RBMS1: variants seen among roughly 807,000 people sequenced by gnomAD.
RBMS1 encodes RNA-binding motif, single-stranded-interacting protein 1.
Under a neutral mutation model 62.3 loss-of-function variants are expected in RBMS1, and 17 were observed. The observed-to-expected ratio is 0.27, with a 90% CI of 0.19 to 0.41. RBMS1 has a LOEUF of 0.41. RBMS1 is among the 10% of genes least tolerant of loss of function. The pLI is 1.00. For synonymous variants in RBMS1, 172 were observed against 170.0 expected (o/e 1.01, Z -0.09); for missense variants, 334 against 504.5 (o/e 0.66, Z 3.24).
At chr2:160,446,257 A>G (rs1236961453) in intron 1 of RBMS1, among the ~76,000 whole-genome samples, 7 of 152,200 alleles carry the variant, frequency 4.6e-5, no homozygotes, top group African/African-American at 1.4e-4. Flanking sequence ...CCTGTCTATG[A>G]CAGTCCCTCC....
chr2:160,421,509 G>T (rs1216872953), intron 1 of RBMS1, among the ~76,000 whole-genome samples: 2 of 152,076 alleles, frequency 1.3e-5, no homozygotes, highest in Admixed American at 6.5e-5. Flanking sequence ...AGTATTCCAT[G>T]GTATATATGT....
chr2:160,411,735 A>AT (rs1349639546), intron 1 of RBMS1, among the ~76,000 whole-genome samples: 2 of 152,112 alleles, frequency 1.3e-5, no homozygotes, highest in African/African-American at 4.8e-5. Flanking sequence ...AGTTGTTGTT[A>AT]TTTTTTTCCA....
intron 6 of RBMS1, among the ~76,000 whole-genome samples, chr2:160,287,731 A>C (rs1688476194): frequency 6.6e-6 from 1 of 152,216 alleles, no homozygotes; most frequent in Admixed American, 6.5e-5. Context: ...TGCATCAGTG[A>C]ATGAATAGAA....
chr2:160,306,857 AG>A (rs1334752276), intron 4 of RBMS1, among the ~76,000 whole-genome samples: 2 of 152,162 alleles, frequency 1.3e-5, no homozygotes, highest in East Asian at 3.8e-4. Context: ...AGGATAGTTT[AG>A]TATCTTTAAA....
At position 160,356,875 on chromosome 2, in the gene RBMS1, G is replaced by A. The variant is rs570199361; in HGVS notation, c.251+10341C>T. 6.4e-4 allele frequency among the ~76,000 whole-genome samples: 98 copies of A among 152,126 alleles called. 1 individual carries two copies. The highest frequency in any genetic ancestry group is 2.4e-3 in the Admixed American group (36 of 15,266). Reference sequence around the variant, plus strand: ...TAATAAAATACTTGGCATAGTTATCGGGAGACAACAAGCATTAGACAATTT... The same window carrying A: ...TAATAAAATACTTGGCATAGTTATCAGGAGACAACAAGCATTAGACAATTT... On this transcript the variant is annotated intron_variant, in intron 2 of 13. Transcript: ENST00000348849.
chr2:160,382,185 G>A (rs1242453154), intron 1 of RBMS1, among the ~76,000 whole-genome samples: 5 of 152,206 alleles, frequency 3.3e-5, no homozygotes, highest in East Asian at 1.9e-4. Flanking sequence ...CACCTCCAGC[G>A]TATAAGGAGG....
intron 12 of RBMS1, 50 bp downstream of exon 12, chr2:160,277,253 T>C (rs1048700015): frequency 6.9e-7 from 1 of 1,447,038 alleles, no homozygotes; most frequent in Non-Finnish European, 9.7e-7. Flanking sequence ...AATTTACCCA[T>C]TTCTGAAACT....
chr2:160,477,577 T>G (rs1028680823), intron 1 of RBMS1, among the ~76,000 whole-genome samples: 2 of 151,984 alleles, frequency 1.3e-5, no homozygotes, highest in Admixed American at 1.3e-4. Context: ...TTTTTTTTTT[T>G]AATTTGCCTG....
intron 1 of RBMS1, among the ~76,000 whole-genome samples, chr2:160,473,275 T>C (rs1455643374): frequency 2.6e-5 from 4 of 152,262 alleles, no homozygotes; most frequent in Non-Finnish European, 4.4e-5. Context: ...TCCAGGTCTA[T>C]AGAAAAAAGT....
At position 160,483,205 on chromosome 2, in the gene RBMS1, CT is replaced by C. The variant is rs573011388; in HGVS notation, c.75+10083del. Among the ~76,000 whole-genome samples the C allele has an allele frequency of 5.3e-5, 8 of 151,698 alleles. No homozygotes were observed. In the South Asian group the frequency reaches 1.5e-3, roughly 28 times the overall value. ...GTTTTTGCCAATTGAAAAAACACAA[CT>C]TTTTTGTGATTATTTTTTAGGTAAA... On this transcript the variant is annotated intron_variant, in intron 1 of 13. Transcript: ENST00000348849.
At chr2:160,397,110 T>C (rs2105224131) in intron 1 of RBMS1, among the ~76,000 whole-genome samples, 1 of 152,224 alleles carries the variant, frequency 6.6e-6, no homozygotes. Flanking sequence ...TTATTGCTCG[T>C]GGAGGGTCAG....
chr2:160,459,909 C>G (rs972881735), intron 1 of RBMS1, among the ~76,000 whole-genome samples: 6 of 152,180 alleles, frequency 3.9e-5, no homozygotes, highest in African/African-American at 1.4e-4. Flanking sequence ...CCTCTAAACA[C>G]CACTTAACTT....
At chr2:160,360,424 CTT>C (rs1368719242) in intron 2 of RBMS1, among the ~76,000 whole-genome samples, 2 of 152,154 alleles carry the variant, frequency 1.3e-5, no homozygotes, top group Non-Finnish European at 2.9e-5. Flanking sequence ...CAACAGCTAA[CTT>C]TTTCTCTGTA....
chr2:160,394,407 T>A (rs1254893355), intron 1 of RBMS1, among the ~76,000 whole-genome samples: 1 of 152,204 alleles, frequency 6.6e-6, no homozygotes, highest in Non-Finnish European at 1.5e-5. Flanking sequence ...CAAATTTTTC[T>A]ACCCACAGCC....
rs115434381 is a variant in RBMS1, at chr2:160,346,266, A to G, written c.251+20950T>C. On this transcript the variant is annotated intron_variant, in intron 2 of 13. Coordinates refer to ENST00000348849, the MANE Select transcript of RBMS1 (RefSeq NM_016836.4). ...AATATGCCAGTCCAGAAGTGATGCT[A>G]AAAGTATTTAACTCCTTGTATGACA... 4.8e-3 allele frequency among the ~76,000 whole-genome samples: 736 copies of G among 152,276 alleles called. 8 individuals are homozygous for G. The highest frequency in any genetic ancestry group is 0.017 in the African/African-American group (696 of 41,580).
At chr2:160,278,927 C>T (rs1374564247) in intron 10 of RBMS1, 10 of 266,786 alleles carry the variant, frequency 3.7e-5, no homozygotes, top group Non-Finnish European at 6.4e-5. Context: ...CCCTCTTCTC[C>T]TTCCCTTTCC....
chr2:160,402,711 G>C (rs1408860621), intron 1 of RBMS1, among the ~76,000 whole-genome samples: 2 of 152,164 alleles, frequency 1.3e-5, no homozygotes, highest in Admixed American at 6.5e-5. Flanking sequence ...TGTTCTTGAC[G>C]GGCTTTCTTT....
intron 2 of RBMS1, among the ~76,000 whole-genome samples, chr2:160,349,499 C>A (rs760276785): frequency 1.3e-5 from 2 of 151,600 alleles, no homozygotes; most frequent in Non-Finnish European, 2.9e-5. Context: ...CAGCCTTTCC[C>A]AGCACTGAGT....
At chr2:160,315,607 C>T (rs911260210) in intron 3 of RBMS1, among the ~76,000 whole-genome samples, 1 of 152,204 alleles carries the variant, frequency 6.6e-6, no homozygotes, top group Non-Finnish European at 1.5e-5. Context: ...TGCTTTTACC[C>T]TTATTTTTCC....
Sources: gnomAD v4.1 joint callset for allele counts (sites outside exome capture counted in the v4.1 genomes callset) on GRCh38, gnomAD v4.1.1 for gene constraint, MANE v1.5 for transcripts, NCBI Gene and HGNC (gene_info 2026-07-23, HGNC 2026-07-21) for gene names.